Variants in SUGCT observed in about 807,000 individuals in gnomAD.
SUGCT encodes succinyl-CoA:glutarate CoA-transferase.
SUGCT carries 41 observed loss-of-function variants against 55.0 expected under a neutral mutation model. That is an observed-to-expected ratio of 0.74 (90% CI 0.58 to 0.97). The LOEUF is 0.97. Ranked by LOEUF, SUGCT falls within the 50% of genes least tolerant of loss-of-function variation. SUGCT has a pLI of 0.00. For synonymous variants in SUGCT, 187 were observed against 200.4 expected (o/e 0.93, Z 0.56); for missense variants, 568 against 547.8 (o/e 1.04, Z -0.37).
chr7:40,500,827 T>C (rs1159400438), intron 12 of SUGCT, among the ~76,000 whole-genome samples: 1 of 151,810 alleles, frequency 6.6e-6, no homozygotes, highest in Non-Finnish European at 1.5e-5. Flanking sequence ...ACCCCCAAAA[T>C]ACAGTTATTT....
At chr7:40,367,186 G>T (rs1331034084) in intron 9 of SUGCT, among the ~76,000 whole-genome samples, 2 of 146,920 alleles carry the variant, frequency 1.4e-5, no homozygotes, top group African/African-American at 5.0e-5. Flanking sequence ...AACATCGTAT[G>T]TTCTCACTCA....
chr7:40,860,295 G>A, intron 13 of SUGCT, 21 bp from the exon 14 acceptor site: 3 of 1,613,830 alleles, frequency 1.9e-6, no homozygotes, highest in Middle Eastern at 3.3e-4. Context: ...CAGGCTTCCT[G>A]CTTTCCTTCT....
At chr7:40,342,490 G>T (rs1797106402) in intron 9 of SUGCT, among the ~76,000 whole-genome samples, 1 of 152,036 alleles carries the variant, frequency 6.6e-6, no homozygotes, top group African/African-American at 2.4e-5. Context: ...TAGAGTAGGG[G>T]GCTCTGTGGA....
chr7:40,787,723 G>C (rs1333979362), intron 13 of SUGCT, among the ~76,000 whole-genome samples: 1 of 140,516 alleles, frequency 7.1e-6, no homozygotes, highest in East Asian at 2.3e-4. Flanking sequence ...CAAAGAACCA[G>C]GAAAGGGGCA....
At chr7:40,404,236 G>C (rs1002836314) in intron 9 of SUGCT, among the ~76,000 whole-genome samples, 1 of 151,974 alleles carries the variant, frequency 6.6e-6, no homozygotes, top group African/African-American at 2.4e-5. Context: ...CCTCATCAGA[G>C]AGAAAAAAAA....
At chr7:40,631,646 A>G (rs1799793858) in intron 12 of SUGCT, among the ~76,000 whole-genome samples, 1 of 152,196 alleles carries the variant, frequency 6.6e-6, no homozygotes, top group South Asian at 2.1e-4. Context: ...CTTAGATCGG[A>G]TTCTGCCTGC....
intron 9 of SUGCT, among the ~76,000 whole-genome samples, chr7:40,436,308 C>T (rs1788174798): frequency 6.6e-6 from 1 of 152,070 alleles, no homozygotes; most frequent in Non-Finnish European, 1.5e-5. Flanking sequence ...TCTGCTGTCA[C>T]CTGGGCCTGT....
chr7:40,453,049 A>G (rs1789277759), intron 10 of SUGCT, among the ~76,000 whole-genome samples: 1 of 152,206 alleles, frequency 6.6e-6, no homozygotes, highest in Admixed American at 6.5e-5. Context: ...CAGGCAGTGC[A>G]GCAGATATCC....
At chr7:40,508,106 T>G (rs1792708996) in intron 12 of SUGCT, among the ~76,000 whole-genome samples, 1 of 152,182 alleles carries the variant, frequency 6.6e-6, no homozygotes, top group Non-Finnish European at 1.5e-5. Flanking sequence ...GGCCAAAACC[T>G]TGTTGCCACT....
At chr7:40,941,814 A>T in the SUGCT span, among the ~76,000 whole-genome samples, 1 of 152,104 alleles carries the variant, frequency 6.6e-6, no homozygotes, top group African/African-American at 2.4e-5. Flanking sequence ...TCTTATTGTT[A>T]TATAATGACC....
At chr7:40,556,868 T>C (rs1488427383) in intron 12 of SUGCT, among the ~76,000 whole-genome samples, 1 of 152,198 alleles carries the variant, frequency 6.6e-6, no homozygotes, top group Non-Finnish European at 1.5e-5. Context: ...AAAATACACA[T>C]AAGTAAATGG....
chr7:40,486,619 C>T (rs1024212170), intron 11 of SUGCT, among the ~76,000 whole-genome samples: 4 of 151,528 alleles, frequency 2.6e-5, no homozygotes, highest in Admixed American at 1.3e-4. Context: ...ATAAACTTCC[C>T]TCTTAGTACT....
At chr7:40,991,923 C>A in the SUGCT span, among the ~76,000 whole-genome samples, 1 of 152,038 alleles carries the variant, frequency 6.6e-6, no homozygotes, top group African/African-American at 2.4e-5. Flanking sequence ...AACATCTGAA[C>A]TGCCAGAGAA....
At chr7:40,598,233 A>G (rs1452846281) in intron 12 of SUGCT, among the ~76,000 whole-genome samples, 1 of 152,114 alleles carries the variant, frequency 6.6e-6, no homozygotes, top group African/African-American at 2.4e-5. Flanking sequence ...CACAGCACTC[A>G]ATATACTGGA....
chr7:40,533,557 A>G (rs999456039), intron 12 of SUGCT, among the ~76,000 whole-genome samples: 4 of 152,140 alleles, frequency 2.6e-5, no homozygotes, highest in Admixed American at 2.6e-4. Context: ...CCACTTCTAA[A>G]GAACTACTTC....
chr7:40,397,851 C>A (rs10238411), intron 9 of SUGCT, among the ~76,000 whole-genome samples: 39,237 of 152,020 alleles, frequency 0.26, 6,110 homozygotes, highest in Non-Finnish European at 0.36. Flanking sequence ...TCCCTTCTGT[C>A]CACTCTGTGT....
chr7:40,563,716 GATAATA>G (rs562095224), intron 12 of SUGCT, among the ~76,000 whole-genome samples: 2 of 149,964 alleles, frequency 1.3e-5, no homozygotes, highest in South Asian at 2.1e-4. Context: ...TGTCTCTAAT[GATAATA>G]ATAATAATAA....
chr7:41,020,481 G>A, the SUGCT span, among the ~76,000 whole-genome samples: 1 of 152,116 alleles, frequency 6.6e-6, no homozygotes, highest in Non-Finnish European at 1.5e-5. Context: ...AAATAACAGG[G>A]CCACAGTCTA....
At chr7:40,943,221 CTG>C in the SUGCT span, among the ~76,000 whole-genome samples, 1 of 151,144 alleles carries the variant, frequency 6.6e-6, no homozygotes, top group African/African-American at 2.4e-5. Context: ...TATTTTTTGA[CTG>C]TTTATTTTTA....
Sources: allele counts gnomAD v4.1 joint callset (sites outside exome capture counted in the v4.1 genomes callset), GRCh38; gene constraint gnomAD v4.1.1; transcripts MANE v1.5; gene names NCBI Gene and HGNC (gene_info 2026-07-23, HGNC 2026-07-21).